CCDC9: variants seen among roughly 807,000 people sequenced by gnomAD.
CCDC9 encodes the protein coiled-coil domain-containing protein 9.
Under a neutral mutation model 65.6 loss-of-function variants are expected in CCDC9, and 52 were observed. The ratio of observed to expected loss-of-function variants is 0.79; its 90% CI spans 0.63 to 1.00. CCDC9 has a LOEUF of 1.00. Among genes scored for constraint, CCDC9 ranks in the 50% least tolerant of loss-of-function variants. CCDC9 has a pLI of 0.00. For synonymous variants in CCDC9, 332 were observed against 280.3 expected (o/e 1.18, Z -1.84); for missense variants, 834 against 757.2 (o/e 1.10, Z -1.19).
At chr19:47,269,633 C>T (rs923157433) in intron 8 of CCDC9, among the ~76,000 whole-genome samples, 11 of 152,154 alleles carry the variant, frequency 7.2e-5, no homozygotes, top group African/African-American at 2.2e-4. Context: ...CCACCGTGCC[C>T]GGCCCTAATA....
In CCDC9 at chr19:47,258,571, G is replaced by A. The variant is rs539655267; in HGVS notation, c.16G>A (p.Asp6Asn). Residue 6 changes from aspartate to asparagine, a missense_variant, in exon 3 of 12, where the codon GAT becomes AAT. Transcript: ENST00000221922. The stretch of plus-strand genomic sequence containing the variant: ...CTCCCGGTCTCAGGCAGCCACACTC[G>A]ATTTGAAATCAAAGGAGGAGAAGGA... MAATL[D>N]LKSKEEKDAE... The A allele has an allele frequency of 1.4e-5, 23 of 1,614,030 alleles. No individual in the cohort carries two copies. The highest frequency in any genetic ancestry group is 2.2e-5 in the East Asian group (1 of 44,878).
rs2059071916 is a variant in CCDC9, at chr19:47,265,011, A to G, written c.720+65A>G. The G allele has an allele frequency of 3.0e-6, 4 of 1,345,022 alleles. No individual in the cohort carries two copies. The South Asian group carries it at 7.5e-5, about 25-fold the overall frequency. 83.3% of individuals were successfully genotyped at this position (1,345,022 alleles called of 1,614,324 possible). A position where few individuals can be genotyped will look rare whatever the true frequency, so the allele number is the denominator to read the frequency against. On this transcript the variant is annotated intron_variant, in intron 7 of 11. Transcript: ENST00000221922. ...CTTTGATGGGGACTGCATAGCAGGAACCAGACAGATCAGGGCCATGGGGCC... is the reference window on the plus strand; with the variant it reads ...CTTTGATGGGGACTGCATAGCAGGAGCCAGACAGATCAGGGCCATGGGGCC...
At chr19:47,275,158 C>G (rs759252246), downstream of CCDC9, 1,330 of 1,478,778 alleles carry the variant, frequency 9.0e-4, 1 homozygote, top group Non-Finnish European at 1.1e-3. Context: ...GCTGCCCGCC[C>G]GGGCGTGCCG....
downstream of CCDC9, chr19:47,274,590 G>A (rs933181466): frequency 5.1e-6 from 1 of 194,622 alleles, no homozygotes. Context: ...AGGCGGGCTA[G>A]ATGCCTGGGC....
chr19:47,273,955 C>G (rs1474341477), downstream of CCDC9: 7 of 983,914 alleles, frequency 7.1e-6, no homozygotes, highest in South Asian at 9.4e-5. Flanking sequence ...CTTCCCTCCC[C>G]CCTCCCGCAG....
chr19:47,270,388 C>T lies in CCDC9; in HGVS notation c.903-19C>T. Reference sequence around the variant, plus strand: ...CCCTGTTCCCCCAGCTGCCCGCTCACCCGTTATCTTTCCCCCAGGTTCAAG... The same window carrying T: ...CCCTGTTCCCCCAGCTGCCCGCTCATCCGTTATCTTTCCCCCAGGTTCAAG... On this transcript the variant is annotated intron_variant, in intron 8 of 11. Coordinates refer to ENST00000221922, the MANE Select transcript of CCDC9 (RefSeq NM_015603.3). The T allele has an allele frequency of 6.2e-7, 1 of 1,613,906 alleles. No individual in the cohort carries two copies.
At position 47,258,312 on chromosome 19, in the gene CCDC9, T is replaced by G. The variant is rs898480712; in HGVS notation, c.-71-18T>G. 67 of 1,471,528 alleles carry G rather than the reference T, an allele frequency of 4.6e-5. 1 individual carries two copies. Among genetic ancestry groups the G allele is most frequent in the Non-Finnish European group, 6.2e-5 (65 of 1,052,640 alleles). 91.2% of individuals were successfully genotyped at this position (1,471,528 alleles called of 1,614,324 possible). On this transcript the variant is annotated intron_variant, in intron 1 of 11. Transcript: ENST00000221922. ...GGGGGGCCATTGGCCTTTGTCCTTT[T>G]TTTCCCTCTGTCCCCAGGAACCCTC...
chr19:47,257,165 A>C (rs1307687234), intron 1 of CCDC9, among the ~76,000 whole-genome samples: 1 of 151,320 alleles, frequency 6.6e-6, no homozygotes. Flanking sequence ...GAGTTGAGCC[A>C]GAACCCTGGG....
At chr19:47,262,660 T>C (rs2059054037) in intron 5 of CCDC9, among the ~76,000 whole-genome samples, 1 of 152,148 alleles carries the variant, frequency 6.6e-6, no homozygotes, top group Non-Finnish European at 1.5e-5. Flanking sequence ...GTCCTGTTGG[T>C]GAGAACTTAG....
At chr19:47,273,640 G>C, downstream of CCDC9, 1 of 393,710 alleles carries the variant, frequency 2.5e-6, no homozygotes. Flanking sequence ...ACCAACGGGG[G>C]ACGTCACGGC....
chr19:47,257,720 G>A (rs1194668497), intron 1 of CCDC9: 1 of 153,808 alleles, frequency 6.5e-6, no homozygotes, highest in African/African-American at 2.4e-5. Flanking sequence ...CTTCCGTAGG[G>A]CGCTGGAGAC....
downstream of CCDC9, chr19:47,275,500 G>C: frequency 8.8e-7 from 1 of 1,139,678 alleles, no homozygotes; most frequent in Non-Finnish European, 1.2e-6. Context: ...GGGCCCAGGG[G>C]GTGTCAGCTC....
downstream of CCDC9, among the ~76,000 whole-genome samples, chr19:47,274,220 G>A (rs945404869): frequency 6.6e-6 from 1 of 152,164 alleles, no homozygotes. Flanking sequence ...CCTGAAAGCG[G>A]GCTGAGAGTG....
downstream of CCDC9, chr19:47,273,925 C>T (rs367977309): frequency 2.4e-5 from 23 of 972,054 alleles, no homozygotes; most frequent in Middle Eastern, 5.2e-4. Context: ...AAGGGGTCTT[C>T]CTCCACCCTT....
At position 47,264,662 on chromosome 19, in the gene CCDC9, C is replaced by G. The variant is rs539946123; in HGVS notation, c.522C>G (p.Ile174Met). 1 of 1,604,912 alleles carries G rather than the reference C, an allele frequency of 6.2e-7. No individual in the cohort carries two copies. Among genetic ancestry groups the G allele is most frequent in the East Asian group, 2.2e-5 (1 of 44,498 alleles). Residue 174 changes from isoleucine to methionine, a missense_variant, in exon 6 of 12, where the codon ATC becomes ATG. By Grantham distance (10) the Ile-to-Met change is conservative. Transcript: ENST00000221922. ...AGATGAATGAGGAGATGGAGAAGAT[C>G]GCCGAGTATGAGCGCAACCAGCGGG... ...IEKMNEEMEK[I>M]AEYERNQREG...
chr19:47,263,825 A>G (rs1310530060), intron 5 of CCDC9, among the ~76,000 whole-genome samples: 1 of 151,352 alleles, frequency 6.6e-6, no homozygotes, highest in Non-Finnish European at 1.5e-5. Flanking sequence ...CGGCCTTCCA[A>G]AGTGCTGGGA....
chr19:47,265,030 T>C (rs1312416449), intron 7 of CCDC9, 84 bp downstream of exon 7: 2 of 1,175,288 alleles, frequency 1.7e-6, no homozygotes, highest in African/African-American at 1.6e-5. Context: ...ATCAGGGCCA[T>C]GGGGCCTCTC....
intron 3 of CCDC9, 117 bp downstream of exon 3, chr19:47,258,780 C>T (rs1372673774): frequency 5.5e-6 from 4 of 728,110 alleles, no homozygotes; most frequent in Non-Finnish European, 9.7e-6. Context: ...GGATAAAGGC[C>T]AAAGGCCTTA....
chr19:47,266,388 C>T, intron 7 of CCDC9: 2 of 529,692 alleles, frequency 3.8e-6, no homozygotes, highest in Non-Finnish European at 6.4e-6. Context: ...GAGGTCCTAC[C>T]AAGTGTTGTG....
Sources: allele counts gnomAD v4.1 joint callset (sites outside exome capture counted in the v4.1 genomes callset), GRCh38; gene constraint gnomAD v4.1.1; transcripts MANE v1.5; gene names NCBI Gene and HGNC (gene_info 2026-07-23, HGNC 2026-07-21).